FOCAD: variants seen among roughly 807,000 people sequenced by gnomAD.
FOCAD encodes the protein focadhesin.
FOCAD carries 198 observed loss-of-function variants against 225.6 expected under a neutral mutation model. The ratio of observed to expected loss-of-function variants is 0.88; its 90% CI spans 0.78 to 0.99. The LOEUF (loss-of-function observed/expected upper bound fraction) is 0.99. Among genes scored for constraint, FOCAD ranks in the 50% least tolerant of loss-of-function variants. FOCAD has a pLI of 0.00. For synonymous variants in FOCAD, 897 were observed against 755.0 expected, an observed-to-expected ratio of 1.19 and a Z score of -3.08; for missense variants, 2,713 against 2,123.6, an observed-to-expected ratio of 1.28 and a Z score of -5.46.
upstream of FOCAD, among the ~76,000 whole-genome samples, chr9:20,680,157 G>A (rs1192594135): frequency 6.6e-6 from 1 of 152,234 alleles, no homozygotes; most frequent in Non-Finnish European, 1.5e-5. Context: ...TAGTTAACGT[G>A]ATTAATTAGG....
chr9:20,775,415 T>C (rs1349390792), intron 8 of FOCAD, among the ~76,000 whole-genome samples: 1 of 152,214 alleles, frequency 6.6e-6, no homozygotes, highest in Non-Finnish European at 1.5e-5. Flanking sequence ...GGCTGATGAC[T>C]CAGTTCCAAC....
At chr9:20,918,097 G>A (rs550165472) in intron 24 of FOCAD, among the ~76,000 whole-genome samples, 1 of 152,190 alleles carries the variant, frequency 6.6e-6, no homozygotes, top group African/African-American at 2.4e-5. Context: ...CATATCAGAG[G>A]GGGAGGGGAT....
chr9:20,903,697 G>A (rs1273414553), intron 21 of FOCAD, among the ~76,000 whole-genome samples: 2 of 151,866 alleles, frequency 1.3e-5, no homozygotes, highest in Non-Finnish European at 2.9e-5. Flanking sequence ...TCAGTTGTAT[G>A]CCTGCCCAGG....
intron 10 of FOCAD, among the ~76,000 whole-genome samples, chr9:20,784,999 C>T (rs1359736626): frequency 6.6e-6 from 1 of 151,550 alleles, no homozygotes; most frequent in Non-Finnish European, 1.5e-5. Flanking sequence ...GGTATCTGGG[C>T]CCTGGTAAAA....
intron 4 of FOCAD, among the ~76,000 whole-genome samples, chr9:20,726,878 C>T (rs1052335130): frequency 6.6e-6 from 1 of 152,136 alleles, no homozygotes; most frequent in African/African-American, 2.4e-5. Context: ...TATTATTTAG[C>T]TTCTTTCTCT....
At chr9:20,666,861 A>G (rs190358894) in intron 2 of FOCAD, among the ~76,000 whole-genome samples, 201 of 152,334 alleles carry the variant, frequency 1.3e-3, no homozygotes, top group African/African-American at 4.8e-3. Flanking sequence ...ACAATATTAG[A>G]CAATATGAAA....
chr9:20,762,703 T>C (rs1829716060), intron 6 of FOCAD, among the ~76,000 whole-genome samples: 1 of 152,182 alleles, frequency 6.6e-6, no homozygotes, highest in South Asian at 2.1e-4. Context: ...TTCAGGGGTG[T>C]ATGTGCAGAT....
intron 5 of FOCAD, among the ~76,000 whole-genome samples, chr9:20,756,253 G>C (rs1287805326): frequency 6.6e-6 from 1 of 152,096 alleles, no homozygotes; most frequent in Non-Finnish European, 1.5e-5. Flanking sequence ...CAAGCAGGAG[G>C]CTGCCAGCAT....
chr9:20,824,837 T>G (rs907448636), intron 15 of FOCAD, among the ~76,000 whole-genome samples: 5 of 152,090 alleles, frequency 3.3e-5, no homozygotes, highest in African/African-American at 1.2e-4. Flanking sequence ...TTTTCTTACC[T>G]CTTGTTTTTC....
At chr9:20,774,060 G>A (rs1818508086) in intron 8 of FOCAD, among the ~76,000 whole-genome samples, 1 of 152,152 alleles carries the variant, frequency 6.6e-6, no homozygotes, top group Admixed American at 6.5e-5. Flanking sequence ...TGCATGCGAG[G>A]GATCTAGGTT....
chr9:20,833,505 C>T (rs539018226), intron 15 of FOCAD, among the ~76,000 whole-genome samples: 1 of 151,982 alleles, frequency 6.6e-6, no homozygotes, highest in Non-Finnish European at 1.5e-5. Context: ...CTCGCAGTAC[C>T]TGGCTTGCTT....
At chr9:20,776,440 A>G (rs573849728) in intron 8 of FOCAD, among the ~76,000 whole-genome samples, 1 of 152,228 alleles carries the variant, frequency 6.6e-6, no homozygotes, top group Non-Finnish European at 1.5e-5. Context: ...AAATGGTACT[A>G]TCCTTTGGTG....
chr9:20,670,009 A>C (rs1240993509), intron 2 of FOCAD, among the ~76,000 whole-genome samples: 3 of 152,174 alleles, frequency 2.0e-5, no homozygotes, highest in African/African-American at 7.2e-5. Context: ...ATAAAATTAA[A>C]AGTCATTTAA....
chr9:20,734,629 C>T (rs7041455), intron 4 of FOCAD, among the ~76,000 whole-genome samples: 4,699 of 151,992 alleles, frequency 0.031, 258 homozygotes, highest in African/African-American at 0.11. Flanking sequence ...AAAGATAACA[C>T]ATACAGTATA....
intron 3 of FOCAD, among the ~76,000 whole-genome samples, chr9:20,719,207 G>A (rs1445885035): frequency 4.6e-5 from 7 of 152,048 alleles, no homozygotes; most frequent in African/African-American, 1.4e-4. Flanking sequence ...TCAGCCTCCC[G>A]AGTAGCTGGG....
At chr9:20,879,063 TCTC>T (rs1034838276) in intron 19 of FOCAD, among the ~76,000 whole-genome samples, 11 of 152,158 alleles carry the variant, frequency 7.2e-5, no homozygotes, top group Middle Eastern at 3.4e-3. Context: ...CACATACTAA[TCTC>T]CTCTGGAAAT....
chr9:20,751,572 G>A (rs947948094), intron 5 of FOCAD, among the ~76,000 whole-genome samples: 1 of 113,400 alleles, frequency 8.8e-6, no homozygotes, highest in Admixed American at 9.3e-5. Flanking sequence ...GGACATTTGG[G>A]TTGGTTCCAA....
At chr9:20,699,776 A>ATG in intron 1 of FOCAD, among the ~76,000 whole-genome samples, 1 of 34,356 alleles carries the variant, frequency 2.9e-5, no homozygotes, top group East Asian at 7.3e-4. Context: ...AAAAAAAAAT[A>ATG]TATATATATA....
intron 23 of FOCAD, among the ~76,000 whole-genome samples, chr9:20,913,675 G>T (rs1384780521): frequency 6.6e-6 from 1 of 152,112 alleles, no homozygotes; most frequent in Admixed American, 6.6e-5. Flanking sequence ...GAGAAACTGT[G>T]TGTATGTATT....
Sources: allele counts gnomAD v4.1 joint callset (sites outside exome capture counted in the v4.1 genomes callset), GRCh38; gene constraint gnomAD v4.1.1; transcripts MANE v1.5; gene names NCBI Gene and HGNC (gene_info 2026-07-23, HGNC 2026-07-21).